EPN1: variants seen among roughly 807,000 people sequenced by gnomAD.
The protein encoded by EPN1 is epsin 1, also known as epsin-1.
A neutral mutation model predicts 56.9 loss-of-function variants in EPN1; 25 were observed. That is an observed-to-expected ratio of 0.44 (90% CI 0.32 to 0.61). EPN1 has a LOEUF of 0.61. EPN1 is among the 20% of genes least tolerant of loss of function. EPN1 has a pLI of 0.05. For synonymous variants in EPN1, 411 were observed against 361.8 expected, an observed-to-expected ratio of 1.14 and a Z score of -1.54; for missense variants, 785 against 823.7, an observed-to-expected ratio of 0.95 and a Z score of 0.58.
rs188040908 is a variant in EPN1, at chr19:55,708,210, A to G, written c.*12854A>G. The stretch of plus-strand genomic sequence containing the variant: ...TATTTCAATCTAATGATAACTGATT[A>G]TATAATCCAATTTCTGCATCATCTT... On this transcript the variant is annotated 3_prime_UTR_variant, in exon 11 of 11. Coordinates refer to ENST00000270460, the MANE Select transcript of EPN1 (RefSeq NM_001130072.2). 6.8e-4 allele frequency: 103 copies of G among 152,360 alleles called. No individual in the cohort carries two copies. The highest frequency in any genetic ancestry group is 2.2e-3 in the African/African-American group (93 of 41,592). 9.4% of individuals were successfully genotyped at this position (152,360 alleles called of 1,614,324 possible).
rs1987379562 is a variant in EPN1, at chr19:55,705,925, T to C, written c.*10569T>C. 1 of 152,638 alleles carries C rather than the reference T, an allele frequency of 6.6e-6. No homozygotes were observed. The highest frequency in any genetic ancestry group is 2.4e-5 in the African/African-American group (1 of 41,194). The allele number at this position is 152,638 out of a possible 1,614,324, so 9.5% of individuals were successfully genotyped here. On this transcript the variant is annotated 3_prime_UTR_variant, in exon 11 of 11. Coordinates refer to ENST00000270460, the MANE Select transcript of EPN1 (RefSeq NM_001130072.2). ...TGTGTGATCATAGCTCACCATGGGA[T>C]TCTTGATTTTCAGTGAGTATAAAGT...
intron 2 of EPN1, among the ~76,000 whole-genome samples, chr19:55,684,415 A>C (rs1041436799): frequency 2.0e-5 from 3 of 152,132 alleles, no homozygotes; most frequent in Non-Finnish European, 2.9e-5. Context: ...CCTCAAGCCC[A>C]GGACTTGAGC....
At chr19:55,688,758 G>A (rs935743688) in intron 3 of EPN1, 112 bp from the exon 4 acceptor site, 5 of 1,460,664 alleles carry the variant, frequency 3.4e-6, no homozygotes, top group Non-Finnish European at 4.6e-6. Context: ...TTGTAGGGTG[G>A]GGGACTTGGG....
rs1207983318 is a variant in EPN1, at chr19:55,703,377, GC to G, written c.*8022del. 6.6e-6 allele frequency: 1 copy of G among 152,294 alleles called. No homozygotes were observed. The allele number at this position is 152,294 out of a possible 1,614,324, so 9.4% of individuals were successfully genotyped here. A position where few individuals can be genotyped will look rare whatever the true frequency, so the allele number is the denominator to read the frequency against. ...TCACTGTCGTCACCCAGGCTAGAGT[GC>G]AATGGTGTGATTTCGGCTCACTGCA... On this transcript the variant is annotated 3_prime_UTR_variant, in exon 11 of 11. Coordinates refer to ENST00000270460, the MANE Select transcript of EPN1 (RefSeq NM_001130072.2).
At position 55,689,813 on chromosome 19, in the gene EPN1, T is replaced by G; in HGVS notation, c.679-54T>G. On this transcript the variant is annotated intron_variant, in intron 5 of 10. Coordinates refer to ENST00000270460, the MANE Select transcript of EPN1 (RefSeq NM_001130072.2). The surrounding 1 kb of genome is among the most constrained non-coding windows in gnomAD (Gnocchi z 5.7). ...CTGGGGCTTCCAGGCTGAGGTGGCA[T>G]CTGCCCGTGGCTCACGTTCTCATGT... 2.0e-6 allele frequency: 3 copies of G among 1,532,142 alleles called. No homozygotes were observed. Among genetic ancestry groups the G allele is most frequent in the Non-Finnish European group, 1.8e-6 (2 of 1,128,222 alleles). The allele number at this position is 1,532,142 out of a possible 1,614,324, so 94.9% of individuals were successfully genotyped here. A position where few individuals can be genotyped will look rare whatever the true frequency, so the allele number is the denominator to read the frequency against.
chr19:55,678,694 A>G lies in EPN1; in HGVS notation c.67A>G (p.Lys23Glu). The change falls in exon 2 of 11, where the codon AAG (lysine) becomes GAG (glutamate). Residue 23 changes from lysine (K) to glutamate (E), a missense_variant. Around this residue, in one of 2 missense-constraint regions of EPN1, gnomAD observed 135 missense variants for 218.7 expected, o/e 0.62. Coordinates refer to ENST00000270460, the MANE Select transcript of EPN1 (RefSeq NM_001130072.2). ...IVHNYSEAEI[K>E]VREATSNDPW... ...CCACAACTACTCAGAGGCGGAGATC[A>G]AGGTTCGAGAGGCCACGAGCAATGA... 2 of 1,614,034 alleles carry G rather than the reference A, an allele frequency of 1.2e-6. No individual in the cohort carries two copies. The highest frequency in any genetic ancestry group is 1.7e-6 in the Non-Finnish European group (2 of 1,179,934).
At chr19:55,684,793 T>G (rs1376406430) in intron 2 of EPN1, among the ~76,000 whole-genome samples, 3 of 152,194 alleles carry the variant, frequency 2.0e-5, no homozygotes, top group Non-Finnish European at 4.4e-5. Context: ...GCCATGTTAC[T>G]TTAGATTTTA....
chr19:55,691,838 G>C lies in EPN1; in HGVS notation c.847G>C (p.Ala283Pro). The change falls in exon 7 of 11, where the codon GCT becomes CCT. Residue 283 changes from alanine (A) to proline (P), a missense_variant. Transcript: ENST00000270460. The surrounding 1 kb of genome is among the most constrained non-coding windows in gnomAD (Gnocchi z 5.6). ...TDPWGGPAPM[A>P]AAVPTAAPTS... ...CCCCTGGGGGGGCCCAGCACCCATG[G>C]CTGCTGCCGTCCCCACGGCTGCCCC... 6.2e-7 allele frequency: 1 copy of C among 1,608,004 alleles called. No individual in the cohort carries two copies. Among genetic ancestry groups the C allele is most frequent in the Non-Finnish European group, 8.5e-7 (1 of 1,176,658 alleles).
chr19:55,708,867 G>T lies in EPN1; in HGVS notation c.*13511G>T, dbSNP rs200640694. ...GGTGCCAGGTGAAGGTCCCACTGTG[G>T]CCAAGGAAAGCCTTTGTGAGACGAC... On this transcript the variant is annotated 3_prime_UTR_variant, in exon 11 of 11. Transcript: ENST00000270460. 1,244 of 1,450,364 alleles carry T rather than the reference G, an allele frequency of 8.6e-4. 2 individuals are homozygous for T. The highest frequency in any genetic ancestry group is 1.0e-3 in the Non-Finnish European group (1,133 of 1,092,150). The allele number at this position is 1,450,364 out of a possible 1,614,324, so 89.8% of individuals were successfully genotyped here.
In EPN1 at chr19:55,702,971, T is replaced by G. The variant is rs112837418; in HGVS notation, c.*7615T>G. On this transcript the variant is annotated 3_prime_UTR_variant, in exon 11 of 11. Transcript: ENST00000270460. ...CACCACGCCCGGCTAAGCTAATTTT[T>G]TGTATTGTTAGTAGAGACGGGGTTT... 0.024 allele frequency: 3,699 copies of G among 152,108 alleles called. 63 individuals carry two copies. The highest frequency in any genetic ancestry group is 0.037 in the Non-Finnish European group (2,544 of 68,024). The allele number at this position is 152,108 out of a possible 1,614,324, so 9.4% of individuals were successfully genotyped here.
Position 55,694,131 on chromosome 19 carries a change from AT to A in EPN1, c.1265-594del, listed in dbSNP as rs1986755082. 6.6e-6 allele frequency: 1 copy of A among 151,262 alleles called. No homozygotes were observed. Among genetic ancestry groups the A allele is most frequent in the African/African-American group, 2.4e-5 (1 of 41,160 alleles). The allele number at this position is 151,262 out of a possible 1,614,324, so 9.4% of individuals were successfully genotyped here. On this transcript the variant is annotated intron_variant, in intron 9 of 10. Transcript: ENST00000270460. This position sits in a 1 kb window ranked among gnomAD's most constrained non-coding sequence, Gnocchi z 4.2. ...CTACTTGGGAGGCTGAGGCAGGAGA[AT>A]CGCTTGAACCCAGGAGGTGGAGGTT...
rs181113465 is a variant in EPN1 at position 55,692,897 on chromosome 19, G to A, written c.1178-54G>A. The A allele has an allele frequency of 6.2e-3, 9,884 of 1,603,150 alleles. 70 individuals are homozygous for A. Among genetic ancestry groups the A allele is most frequent in the Admixed American group, 0.027 (1,594 of 59,836 alleles). On this transcript the variant is annotated intron_variant, in intron 8 of 10. Coordinates refer to ENST00000270460, the MANE Select transcript of EPN1 (RefSeq NM_001130072.2). Reference sequence around the variant, plus strand: ...GGGGTGGACGCCTGGACTGGAGGTGGGGGCTGAGGCGGGGCCCCAGGGAGG... The same window carrying A: ...GGGGTGGACGCCTGGACTGGAGGTGAGGGCTGAGGCGGGGCCCCAGGGAGG...
In EPN1 at chr19:55,706,221, CTT is replaced by C. The variant is rs1215971435; in HGVS notation, c.*10867_*10868del. The C allele has an allele frequency of 2.3e-5, 3 of 133,310 alleles. No homozygotes were observed. The highest frequency in any genetic ancestry group is 1.1e-4 in the African/African-American group (3 of 27,836). The allele number at this position is 133,310 out of a possible 1,614,324, so 8.3% of individuals were successfully genotyped here. ...TTTCTTCCTTTATTTTTCTTTCTTCCTTTCCTCCTCTTTCTTCTCCTTTTTCC... is the reference window on the plus strand; with the variant it reads ...TTTCTTCCTTTATTTTTCTTTCTTCCTCCTCCTCTTTCTTCTCCTTTTTCC... On this transcript the variant is annotated 3_prime_UTR_variant, in exon 11 of 11. Coordinates refer to ENST00000270460, the MANE Select transcript of EPN1 (RefSeq NM_001130072.2).
At position 55,702,447 on chromosome 19, in the gene EPN1, A is replaced by G. The variant is rs1987188067; in HGVS notation, c.*7091A>G. On this transcript the variant is annotated 3_prime_UTR_variant, in exon 11 of 11. Transcript: ENST00000270460. ...AGTGTGCCTAAAGAAAGGGAAAGGA[A>G]TGTGCTTTAGGCCCACTGTTTTCAC... 1 of 152,188 alleles carries G rather than the reference A, an allele frequency of 6.6e-6. No individual in the cohort carries two copies. The highest frequency in any genetic ancestry group is 2.4e-5 in the African/African-American group (1 of 41,438). 9.4% of individuals were successfully genotyped at this position (152,188 alleles called of 1,614,324 possible). A position where few individuals can be genotyped will look rare whatever the true frequency, so the allele number is the denominator to read the frequency against.
chr19:55,677,487 C>T, intron 1 of EPN1: 5 of 948,944 alleles, frequency 5.3e-6, no homozygotes, highest in African/African-American at 1.7e-5. Context: ...TCAGGTGGGC[C>T]TCGGGTTGAG....
At position 55,705,369 on chromosome 19, in the gene EPN1, T is replaced by C. The variant is rs902669955; in HGVS notation, c.*10013T>C. ...AGAATCCAGAGCCACTACAACACATTTCATGAAGTGGCGTGAGCCTGTAAT... is the reference window on the plus strand; with the variant it reads ...AGAATCCAGAGCCACTACAACACATCTCATGAAGTGGCGTGAGCCTGTAAT... On this transcript the variant is annotated 3_prime_UTR_variant, in exon 11 of 11. Transcript: ENST00000270460. 6.6e-6 allele frequency: 1 copy of C among 152,124 alleles called. No individual in the cohort carries two copies. The highest frequency in any genetic ancestry group is 2.4e-5 in the African/African-American group (1 of 41,432). 9.4% of individuals were successfully genotyped at this position (152,124 alleles called of 1,614,324 possible).
rs200255505 is a variant in EPN1 at position 55,693,025 on chromosome 19, G to A, written c.1252G>A (p.Gly418Arg). The A allele has an allele frequency of 1.0e-4, 163 of 1,613,070 alleles. No individual in the cohort carries two copies. Among genetic ancestry groups the A allele is most frequent in the Admixed American group, 3.7e-4 (22 of 59,990 alleles). Residue 418 changes from glycine to arginine, a missense_variant, in exon 9 of 11, where the codon GGG (glycine) becomes AGG (arginine). Around this residue, in one of 2 missense-constraint regions of EPN1, gnomAD observed 650 missense variants for 605.0 expected, o/e 1.07. Transcript: ENST00000270460. Reference protein sequence around the residue: ...DRLRTALPTSGSSAGELELLA... With the variant: ...DRLRTALPTSRSSAGELELLA... The stretch of plus-strand genomic sequence containing the variant: ...ACTCCGCACGGCACTGCCGACCTCC[G>A]GGAGCAGCGCAGGTGAGCCCCTGCC...
intron 1 of EPN1, chr19:55,677,773 A>G: frequency 6.8e-7 from 1 of 1,471,672 alleles, no homozygotes; most frequent in East Asian, 2.6e-5. Context: ...TAATCCCTTC[A>G]TCAGCCTTCT....
chr19:55,701,067 G>T lies in EPN1; in HGVS notation c.*5711G>T, dbSNP rs1343276258. ...TTGCAGTGGGAGGGCTGGCGCGGGG[G>T]CCCTGAGGGCTCCCTGGTTCCCATC... is the stretch of plus-strand genomic sequence containing the variant. On this transcript the variant is annotated 3_prime_UTR_variant, in exon 11 of 11. Transcript: ENST00000270460. The T allele has an allele frequency of 6.6e-6, 1 of 152,238 alleles. No homozygotes were observed. The highest frequency in any genetic ancestry group is 1.9e-4 in the East Asian group (1 of 5,178). 9.4% of individuals were successfully genotyped at this position (152,238 alleles called of 1,614,324 possible).
Sources: gnomAD v4.1 joint callset for allele counts (sites outside exome capture counted in the v4.1 genomes callset) on GRCh38, gnomAD v4.1.1 for gene constraint, gnomAD v4.1.1 regional missense constraint, Gnocchi (gnomAD v3.1) non-coding constraint, MANE v1.5 for transcripts, NCBI Gene and HGNC (gene_info 2026-07-23, HGNC 2026-07-21) for gene names.